Variants in GREB1L observed in about 807,000 individuals in gnomAD.
The protein encoded by GREB1L is GREB1-like protein.
Under a neutral mutation model 200.8 loss-of-function variants are expected in GREB1L, and 17 were observed. That is an observed-to-expected ratio of 0.08 (90% CI 0.06 to 0.13). GREB1L has a LOEUF of 0.13. GREB1L is among the 10% of genes least tolerant of loss of function. The pLI, the probability that GREB1L is intolerant of heterozygous loss-of-function variation, is 1.00. For synonymous variants in GREB1L, 789 were observed against 893.0 expected (o/e 0.88, Z 2.08); for missense variants, 1,657 against 2,367.7 (o/e 0.70, Z 6.23).
intron 1 of GREB1L, among the ~76,000 whole-genome samples, chr18:21,251,276 T>A (rs1471026346): frequency 6.6e-6 from 1 of 152,234 alleles, no homozygotes; most frequent in East Asian, 1.9e-4. Flanking sequence ...TTGTTACAAC[T>A]TTTTCCATGA....
chr18:21,379,833 A>T (rs1339884152), intron 2 of GREB1L, among the ~76,000 whole-genome samples: 3 of 152,196 alleles, frequency 2.0e-5, no homozygotes, highest in Admixed American at 6.5e-5. Context: ...AGCTTTAAAA[A>T]TTTTTAATGT....
At chr18:21,514,094 G>T in intron 28 of GREB1L, 108 bp downstream of exon 28, 1 of 1,108,606 alleles carries the variant, frequency 9.0e-7, no homozygotes, top group Non-Finnish European at 1.3e-6. Context: ...GCTTTCCAGA[G>T]CAAAACAGTC....
intron 2 of GREB1L, among the ~76,000 whole-genome samples, chr18:21,376,054 T>G (rs1449753804): frequency 6.6e-6 from 1 of 152,186 alleles, no homozygotes; most frequent in Non-Finnish European, 1.5e-5. Flanking sequence ...TAAAAAGTCT[T>G]TGAGAGTTAA....
intron 1 of GREB1L, among the ~76,000 whole-genome samples, chr18:21,344,173 G>A (rs767085716): frequency 8.5e-5 from 13 of 152,178 alleles, no homozygotes; most frequent in Non-Finnish European, 1.8e-4. Flanking sequence ...AGGCCAAGGC[G>A]GGCGGATCAC....
intron 7 of GREB1L, among the ~76,000 whole-genome samples, chr18:21,419,029 T>C (rs1304422909): frequency 6.6e-6 from 1 of 152,190 alleles, no homozygotes; most frequent in East Asian, 1.9e-4. Flanking sequence ...ACAAATACCA[T>C]TTTGTTACAA....
chr18:21,449,605 G>T lies in GREB1L; in HGVS notation c.1489G>T (p.Ala497Ser). 6.4e-7 allele frequency: 1 copy of T among 1,551,404 alleles called. No individual in the cohort carries two copies. Among genetic ancestry groups the T allele is most frequent in the Non-Finnish European group, 8.7e-7 (1 of 1,146,730 alleles). ...GAGAGAAAGAGCCCTGCAGATAGGT[G>T]CTCAGTGTGTCCCTGTGTCACCAGG... ...TLRERALQIG[A>S]QCVPVSPGQL... Residue 497 changes from alanine to serine, a missense_variant, in exon 12 of 33, where the codon GCT (alanine) becomes TCT (serine). This residue lies in a region of GREB1L where 289 missense variants were observed against 345.1 expected (regional missense o/e 0.84). Transcript: ENST00000424526.
At chr18:21,352,618 G>A (rs1171444367) in intron 1 of GREB1L, among the ~76,000 whole-genome samples, 1 of 151,612 alleles carries the variant, frequency 6.6e-6, no homozygotes, top group Admixed American at 6.6e-5. Context: ...ATTTTTAGTA[G>A]AGACAGGGTT....
intron 23 of GREB1L, among the ~76,000 whole-genome samples, chr18:21,501,530 A>G (rs1445383584): frequency 6.6e-6 from 1 of 152,160 alleles, no homozygotes; most frequent in African/African-American, 2.4e-5. Context: ...GATGGCTTCC[A>G]GTTTCATCCA....
intron 11 of GREB1L, among the ~76,000 whole-genome samples, chr18:21,445,778 C>T (rs983445632): frequency 6.6e-6 from 1 of 152,104 alleles, no homozygotes; most frequent in African/African-American, 2.4e-5. Flanking sequence ...TCATGATAAA[C>T]CTAGGACTTA....
At chr18:21,250,480 T>C (rs905057102) in intron 1 of GREB1L, among the ~76,000 whole-genome samples, 3 of 152,234 alleles carry the variant, frequency 2.0e-5, no homozygotes, top group Non-Finnish European at 4.4e-5. Context: ...TTAAGTGTCT[T>C]CCCAGGTGGT....
At chr18:21,255,016 A>AT (rs1335236351) in intron 1 of GREB1L, among the ~76,000 whole-genome samples, 1 of 152,166 alleles carries the variant, frequency 6.6e-6, no homozygotes, top group Non-Finnish European at 1.5e-5. Context: ...GAAAGGGTCT[A>AT]TTTTTTGAGG....
intron 1 of GREB1L, among the ~76,000 whole-genome samples, chr18:21,312,647 G>C (rs555189225): frequency 8.0e-4 from 122 of 151,930 alleles, no homozygotes; most frequent in Non-Finnish European, 1.6e-3. Context: ...TCCGCCTCCC[G>C]GGTTCAAGTG....
chr18:21,276,788 A>G (rs1030752722), intron 1 of GREB1L, among the ~76,000 whole-genome samples: 3 of 152,134 alleles, frequency 2.0e-5, no homozygotes, highest in Non-Finnish European at 2.9e-5. Flanking sequence ...GGAAAGAAGG[A>G]AGAGAGAGGG....
At chr18:21,246,611 TA>T (rs2037606964) in intron 1 of GREB1L, among the ~76,000 whole-genome samples, 1 of 152,190 alleles carries the variant, frequency 6.6e-6, no homozygotes, top group Non-Finnish European at 1.5e-5. Context: ...GCTAGACATA[TA>T]GGGGTGGTCA....
intron 1 of GREB1L, among the ~76,000 whole-genome samples, chr18:21,272,310 C>G (rs1230651889): frequency 6.6e-6 from 1 of 152,144 alleles, no homozygotes; most frequent in African/African-American, 2.4e-5. Flanking sequence ...TCTTAACTGT[C>G]TTGTCCTTCA....
chr18:21,333,100 G>A (rs550730843), intron 1 of GREB1L, among the ~76,000 whole-genome samples: 3 of 151,860 alleles, frequency 2.0e-5, no homozygotes, highest in Admixed American at 6.6e-5. Context: ...ACACGCGCGC[G>A]CGCGCGCGCA....
chr18:21,414,678 C>A (rs1211114562), intron 7 of GREB1L, among the ~76,000 whole-genome samples: 1 of 152,052 alleles, frequency 6.6e-6, no homozygotes, highest in African/African-American at 2.4e-5. Flanking sequence ...ACCTAGAGTT[C>A]TGTAAAATGC....
intron 5 of GREB1L, among the ~76,000 whole-genome samples, chr18:21,399,690 T>TGGC (rs2041237883): frequency 6.6e-6 from 1 of 152,220 alleles, no homozygotes; most frequent in South Asian, 2.1e-4. Context: ...GTCTATAAAG[T>TGGC]GGCGGTAATA....
At chr18:21,347,419 T>A (rs1274141914) in intron 1 of GREB1L, among the ~76,000 whole-genome samples, 1 of 151,984 alleles carries the variant, frequency 6.6e-6, no homozygotes. Flanking sequence ...TGCTGCTCCT[T>A]CTCCATCTTC....
Sources: allele counts gnomAD v4.1 joint callset (sites outside exome capture counted in the v4.1 genomes callset), GRCh38; gene constraint gnomAD v4.1.1; regional missense constraint gnomAD v4.1.1; transcripts MANE v1.5; gene names NCBI Gene and HGNC (gene_info 2026-07-23, HGNC 2026-07-21).